The following CPEB1 variants were observed in gnomAD, a reference collection of about 807,000 sequenced individuals.
CPEB1 encodes the protein cytoplasmic polyadenylation element-binding protein 1.
Under a neutral mutation model 65.8 loss-of-function variants are expected in CPEB1, and 7 were observed. The observed-to-expected ratio is 0.11, with a 90% confidence interval of 0.06 to 0.20. CPEB1 has a LOEUF of 0.20. Ranked by LOEUF, CPEB1 falls within the 10% of genes least tolerant of loss-of-function variation. CPEB1 has a pLI of 1.00. For synonymous variants in CPEB1, 262 were observed against 260.0 expected, an observed-to-expected ratio of 1.01 and a Z score of -0.08; for missense variants, 551 against 712.2, an observed-to-expected ratio of 0.77 and a Z score of 2.58.
intron 3 of CPEB1, among the ~76,000 whole-genome samples, chr15:82,600,897 CTTTTTTTTTTTTT>C (rs751843256): frequency 1.5e-3 from 95 of 64,180 alleles, no homozygotes; most frequent in Middle Eastern, 0.022. Context: ...CAGAACTTGT[CTTTTTTTTTTTTT>C]TTTTTTTTTT....
intron 1 of CPEB1, among the ~76,000 whole-genome samples, chr15:82,636,907 T>C (rs149357830): frequency 3.0e-3 from 450 of 152,360 alleles, no homozygotes; most frequent in African/African-American, 0.01. Context: ...CTCTTCTCCC[T>C]GTCAAAATTC....
At position 82,645,868 on chromosome 15, in the gene CPEB1, A is replaced by AAAATAAAT. The variant is rs34934987; in HGVS notation, c.-98+1261_-98+1268dup. Among the ~76,000 whole-genome samples, 3 of 149,574 alleles carry AAAATAAAT rather than the reference A, an allele frequency of 2.0e-5. No individual in the cohort carries two copies. In the East Asian group the frequency reaches 6.0e-4, roughly 30 times the overall value. The stretch of plus-strand genomic sequence containing the variant: ...GGGTGACAGGGCAAGACTCCCTCTC[A>AAAATAAAT]AAATAAATAAATAAATAAATAAATA... On this transcript the variant is annotated intron_variant, in intron 1 of 12. Transcript: ENST00000684509.
chr15:82,554,756 T>C (rs1165704406), intron 6 of CPEB1, among the ~76,000 whole-genome samples: 1 of 152,240 alleles, frequency 6.6e-6, no homozygotes, highest in Non-Finnish European at 1.5e-5. Flanking sequence ...AACTATCATT[T>C]TCATTCAGGA....
At chr15:82,577,253 C>T (rs2040752020) in intron 3 of CPEB1, among the ~76,000 whole-genome samples, 1 of 152,134 alleles carries the variant, frequency 6.6e-6, no homozygotes, top group African/African-American at 2.4e-5. Context: ...GAGACAGAGT[C>T]TCACTATGTT....
intron 3 of CPEB1, among the ~76,000 whole-genome samples, chr15:82,608,778 T>TTC (rs1340782591): frequency 2.0e-5 from 3 of 152,212 alleles, no homozygotes; most frequent in Admixed American, 6.5e-5. Context: ...TATTTTCATT[T>TTC]ATTTATTTAA....
At chr15:82,584,258 CAAAAAAAAAAAAAA>C (rs71156038) in intron 3 of CPEB1, among the ~76,000 whole-genome samples, 2 of 53,288 alleles carry the variant, frequency 3.8e-5, no homozygotes, top group Non-Finnish European at 6.5e-5. Context: ...GACTCCGTCT[CAAAAAAAAAAAAAA>C]AAAAAAAAAA....
intron 9 of CPEB1, 42 bp downstream of exon 9, chr15:82,552,438 T>C: frequency 1.3e-6 from 2 of 1,508,964 alleles, no homozygotes; most frequent in Non-Finnish European, 8.8e-7. Flanking sequence ...TGCCTCAATA[T>C]TCCAAGACCC....
At chr15:82,589,886 GCAT>G (rs2042085047) in intron 3 of CPEB1, among the ~76,000 whole-genome samples, 2 of 152,164 alleles carry the variant, frequency 1.3e-5, no homozygotes, top group Admixed American at 6.5e-5. Context: ...TATTTACACT[GCAT>G]TAGGTATAAG....
intron 3 of CPEB1, among the ~76,000 whole-genome samples, chr15:82,615,338 A>T (rs929304240): frequency 6.6e-6 from 1 of 152,242 alleles, no homozygotes; most frequent in African/African-American, 2.4e-5. Context: ...AGAACATTGG[A>T]GGCAGGACAG....
chr15:82,571,145 A>G (rs371325539), intron 4 of CPEB1, among the ~76,000 whole-genome samples, 199 bp downstream of exon 4: 1 of 152,190 alleles, frequency 6.6e-6, no homozygotes, highest in African/African-American at 2.4e-5. Context: ...TGGAAGAGCC[A>G]TGCCTGCCTT....
At chr15:82,608,980 T>A (rs2043880028) in intron 3 of CPEB1, among the ~76,000 whole-genome samples, 2 of 152,104 alleles carry the variant, frequency 1.3e-5, no homozygotes, top group African/African-American at 2.4e-5. Flanking sequence ...ATGGCTGAAA[T>A]CATACAAAGT....
chr15:82,557,172 C>A (rs1145170), intron 5 of CPEB1, among the ~76,000 whole-genome samples: 3 of 152,050 alleles, frequency 2.0e-5, no homozygotes. Flanking sequence ...GCATGAAGAC[C>A]ACACGCATCA....
intron 3 of CPEB1, among the ~76,000 whole-genome samples, chr15:82,623,367 G>A (rs894101469): frequency 1.3e-5 from 2 of 152,090 alleles, no homozygotes; most frequent in Non-Finnish European, 2.9e-5. Context: ...AAGAACTAGT[G>A]GGGAAAAGCA....
At chr15:82,628,675 CCT>C in intron 1 of CPEB1, 119 bp from the exon 2 acceptor site, 2 of 545,184 alleles carry the variant, frequency 3.7e-6, no homozygotes, top group Non-Finnish European at 6.5e-6. Context: ...GCCTGCTTCT[CCT>C]TACATCCGCT....
chr15:82,568,793 T>C (rs1045906954), intron 4 of CPEB1, among the ~76,000 whole-genome samples: 1 of 152,160 alleles, frequency 6.6e-6, no homozygotes, highest in African/African-American at 2.4e-5. Context: ...TTCTTAAAGG[T>C]AACAATTTTA....
intron 1 of CPEB1, among the ~76,000 whole-genome samples, chr15:82,645,087 C>T (rs1308131755): frequency 6.6e-6 from 1 of 152,230 alleles, no homozygotes; most frequent in East Asian, 1.9e-4. Context: ...CACAACCTCC[C>T]TCCCACACAT....
intron 4 of CPEB1, among the ~76,000 whole-genome samples, chr15:82,567,333 G>A (rs1047051475): frequency 2.3e-4 from 35 of 152,136 alleles, no homozygotes; most frequent in Admixed American, 1.4e-3. Context: ...CTGATTAGCA[G>A]TTAGGGTAGA....
At chr15:82,588,104 T>G (rs2041945754) in intron 3 of CPEB1, among the ~76,000 whole-genome samples, 1 of 123,942 alleles carries the variant, frequency 8.1e-6, no homozygotes, top group African/African-American at 3.2e-5. Flanking sequence ...TTTTTGTTTG[T>G]TTTTTGTTTT....
chr15:82,546,623 G>T (rs982053668), intron 11 of CPEB1, 102 bp from the exon 12 acceptor site: 40 of 842,032 alleles, frequency 4.8e-5, no homozygotes, highest in Non-Finnish European at 7.1e-5. Context: ...AGGAATGCGG[G>T]ATATTGGAAT....
Sources: gnomAD v4.1 joint callset for allele counts (sites outside exome capture counted in the v4.1 genomes callset) on GRCh38, gnomAD v4.1.1 for gene constraint, MANE v1.5 for transcripts, NCBI Gene and HGNC (gene_info 2026-07-23, HGNC 2026-07-21) for gene names.